Variants in PTGER3 observed in about 807,000 individuals in gnomAD.
PTGER3 encodes prostaglandin E receptor 3.
A neutral mutation model predicts 34.7 loss-of-function variants in PTGER3; 22 were observed. The ratio of observed to expected loss-of-function variants is 0.63; its 90% CI spans 0.45 to 0.91. The LOEUF (loss-of-function observed/expected upper bound fraction) is 0.91, where lower values mean the gene tolerates loss of function less well. Ranked by LOEUF, PTGER3 falls within the 40% of genes least tolerant of loss-of-function variation. The pLI is 0.00. For missense variants in PTGER3, 468 were observed against 519.4 expected (o/e 0.90, Z 0.96); for synonymous variants, 241 against 230.1 (o/e 1.05, Z -0.43).
At chr1:70,889,868 C>CT (rs200848374) in intron 4 of PTGER3, among the ~76,000 whole-genome samples, 5,946 of 143,996 alleles carry the variant, frequency 0.041, 391 homozygotes, top group South Asian at 0.21. Flanking sequence ...GGACAGTTTA[C>CT]TTTTTTTTTT....
chr1:70,952,853 C>A, exon 4 of PTGER3: 1 of 1,518,354 alleles, frequency 6.6e-7, no homozygotes, highest in Non-Finnish European at 8.9e-7. Flanking sequence ...ACAAACTCAG[C>A]TGGAGGAGCT....
chr1:71,012,667 TC>T (rs966002557), intron 1 of PTGER3, among the ~76,000 whole-genome samples, 183 bp from the exon 2 acceptor site: 6 of 152,202 alleles, frequency 3.9e-5, no homozygotes, highest in African/African-American at 1.4e-4. Context: ...CTAGGTATTT[TC>T]CCACATTTGT....
At chr1:71,002,224 G>A (rs1226408690) in intron 2 of PTGER3, 1 of 152,048 alleles carries the variant, frequency 6.6e-6, no homozygotes, top group Non-Finnish European at 1.5e-5. Context: ...ATCACACCAT[G>A]GCACTCTAGC....
intron 1 of PTGER3, among the ~76,000 whole-genome samples, chr1:71,038,960 T>C (rs923706691): frequency 6.6e-6 from 1 of 152,188 alleles, no homozygotes; most frequent in Non-Finnish European, 1.5e-5. Context: ...GCACAATTAG[T>C]TCAACTCAAG....
chr1:70,852,457 G>T, exon 5 of PTGER3: 1 of 196,976 alleles, frequency 5.1e-6, no homozygotes, highest in Non-Finnish European at 1.0e-5. Context: ...AACAAATTAT[G>T]CTTTATTCAA....
At chr1:70,921,174 A>T (rs535110656) in intron 4 of PTGER3, among the ~76,000 whole-genome samples, 1 of 152,308 alleles carries the variant, frequency 6.6e-6, no homozygotes, top group East Asian at 1.9e-4. Flanking sequence ...GCAATTAAAA[A>T]AATTAGGAAA....
At chr1:70,858,977 G>C (rs1645869320) in intron 4 of PTGER3, among the ~76,000 whole-genome samples, 1 of 152,180 alleles carries the variant, frequency 6.6e-6, no homozygotes, top group Non-Finnish European at 1.5e-5. Flanking sequence ...CTTCAATAAG[G>C]TGTTAGGTAT....
chr1:70,965,459 T>C (rs1229443168), intron 2 of PTGER3, among the ~76,000 whole-genome samples: 5 of 152,154 alleles, frequency 3.3e-5, no homozygotes, highest in African/African-American at 4.8e-5. Context: ...GTAATACTTG[T>C]AGAACTAATG....
intron 4 of PTGER3, among the ~76,000 whole-genome samples, chr1:70,905,982 T>A (rs146066845): frequency 0.018 from 2,700 of 152,100 alleles, 39 homozygotes; most frequent in Non-Finnish European, 0.027. Flanking sequence ...ATTATGGGGG[T>A]GGCTCTTTCC....
At chr1:70,925,956 T>C (rs1648038874) in intron 4 of PTGER3, among the ~76,000 whole-genome samples, 1 of 152,204 alleles carries the variant, frequency 6.6e-6, no homozygotes, top group Admixed American at 6.5e-5. Context: ...ATATTGCATT[T>C]TTGAACCACA....
intron 4 of PTGER3, among the ~76,000 whole-genome samples, chr1:70,938,296 T>A (rs1649427010): frequency 6.6e-6 from 1 of 152,176 alleles, no homozygotes. Context: ...GAAAGTCAAA[T>A]CACCATGGAG....
In PTGER3 at chr1:70,865,728, G is replaced by T. The variant is rs1458341515; in HGVS notation, c.*24-12869C>A. 2.2e-6 allele frequency: 3 copies of T among 1,366,014 alleles called. No homozygotes were observed. The South Asian group carries it at 3.4e-5, about 16-fold the overall frequency. 84.6% of individuals were successfully genotyped at this position (1,366,014 alleles called of 1,614,324 possible). A position where few individuals can be genotyped will look rare whatever the true frequency, so the allele number is the denominator to read the frequency against. On this transcript the variant is annotated intron_variant, in intron 4 of 4. Transcript: ENST00000370931. ...CTCGCAAGTGTTAGTGGAAGTTGTG[G>T]ATGTGATGAAGACATGGCGGGAAAG...
intron 1 of PTGER3, among the ~76,000 whole-genome samples, chr1:71,014,638 C>T (rs1557741964): frequency 1.3e-5 from 2 of 152,268 alleles, no homozygotes; most frequent in East Asian, 3.9e-4. Flanking sequence ...CAGGTCTCTC[C>T]TTCAGCCATG....
At chr1:71,032,333 C>A (rs954941972) in intron 1 of PTGER3, among the ~76,000 whole-genome samples, 4 of 152,114 alleles carry the variant, frequency 2.6e-5, no homozygotes, top group Admixed American at 2.6e-4. Context: ...TCATACTAGT[C>A]TTTGAAAATG....
intron 4 of PTGER3, among the ~76,000 whole-genome samples, chr1:70,865,284 G>C (rs2100506089): frequency 6.6e-6 from 1 of 152,266 alleles, no homozygotes; most frequent in South Asian, 2.1e-4. Flanking sequence ...GTGTGGTGAA[G>C]TGGGATATGA....
At chr1:70,953,317 C>T (rs1470254995) in intron 3 of PTGER3, among the ~76,000 whole-genome samples, 3 of 152,108 alleles carry the variant, frequency 2.0e-5, no homozygotes, top group Admixed American at 6.5e-5. Flanking sequence ...GGTCATGTAA[C>T]TAATCCCCAG....
intron 1 of PTGER3, among the ~76,000 whole-genome samples, chr1:71,036,577 A>C (rs1659843898): frequency 6.6e-6 from 1 of 152,122 alleles, no homozygotes. Flanking sequence ...ACAGTGGCTC[A>C]CACCTGTAAT....
chr1:71,012,623 T>G (rs1657546158), intron 1 of PTGER3, 139 bp from the exon 2 acceptor site: 2 of 712,474 alleles, frequency 2.8e-6, no homozygotes, highest in Non-Finnish European at 4.6e-6. Flanking sequence ...CATTTATACT[T>G]GGATAACACA....
At chr1:70,884,105 A>AACAG in intron 4 of PTGER3, 1 of 396,244 alleles carries the variant, frequency 2.5e-6, no homozygotes, top group South Asian at 1.9e-5. Flanking sequence ...CAAACAAACA[A>AACAG]AAAAGGATCA....
Sources: allele counts gnomAD v4.1 joint callset (sites outside exome capture counted in the v4.1 genomes callset), GRCh38; gene constraint gnomAD v4.1.1; transcripts MANE v1.5; gene names NCBI Gene and HGNC (gene_info 2026-07-23, HGNC 2026-07-21).